The following ZC3H6 variants were observed in gnomAD, a reference collection of about 807,000 sequenced individuals.
The protein encoded by ZC3H6 is zinc finger CCCH-type containing 6.
ZC3H6 carries 40 observed loss-of-function variants against 107.7 expected under a neutral mutation model. That is an observed-to-expected ratio of 0.37 (90% CI 0.29 to 0.48). The LOEUF (loss-of-function observed/expected upper bound fraction) is 0.48, where lower values mean the gene tolerates loss of function less well. ZC3H6 is among the 20% of genes least tolerant of loss of function. The probability of loss-of-function intolerance (pLI) is 0.98; values close to 1 mark genes in which losing one functional copy is unlikely to be tolerated. For synonymous variants in ZC3H6, 493 were observed against 487.9 expected (o/e 1.01, Z -0.14); for missense variants, 1,267 against 1,410.4 (o/e 0.90, Z 1.63).
At chr2:112,279,272 C>T (rs1686484832) in intron 1 of ZC3H6, among the ~76,000 whole-genome samples, 1 of 152,144 alleles carries the variant, frequency 6.6e-6, no homozygotes. Context: ...GATGTTGACC[C>T]AATTAAAACA....
intron 5 of ZC3H6, among the ~76,000 whole-genome samples, chr2:112,314,060 A>G (rs567787695): frequency 6.6e-6 from 1 of 152,066 alleles, no homozygotes. Context: ...TACCTGATAT[A>G]TATTAATATT....
At chr2:112,316,620 CT>C (rs1172798541) in intron 6 of ZC3H6, 34 bp downstream of exon 6, 3 of 1,330,062 alleles carry the variant, frequency 2.3e-6, no homozygotes, top group Non-Finnish European at 3.1e-6. Context: ...GTCATTTTAA[CT>C]TCCAAAATAA....
chr2:112,311,718 A>G, intron 4 of ZC3H6, 86 bp from the exon 5 acceptor site: 3 of 1,252,180 alleles, frequency 2.4e-6, no homozygotes, highest in Admixed American at 5.0e-5. Flanking sequence ...ATTATAGACT[A>G]TTAAAATGTG....
At chr2:112,314,774 G>A (rs969458383) in intron 5 of ZC3H6, among the ~76,000 whole-genome samples, 1 of 152,070 alleles carries the variant, frequency 6.6e-6, no homozygotes, top group Non-Finnish European at 1.5e-5. Context: ...AAATGTTTGT[G>A]AATCAAATTT....
chr2:112,331,171 A>G lies in ZC3H6; in HGVS notation c.2253A>G (p.Lys751=). The G allele has an allele frequency of 6.2e-7, 1 of 1,613,740 alleles. No homozygotes were observed. The highest frequency in any genetic ancestry group is 8.5e-7 in the Non-Finnish European group (1 of 1,179,792). ...CAAGACTTGCTAAAGAGAAAAGTAA[A>G]GGAAACCAAGTGGTTGACCCTAGGC... is the stretch of plus-strand genomic sequence containing the variant. The part of the protein sequence containing the change: ...TDPRLAKEKS[K]GNQVVDPRLR... The change falls in exon 12 of 12, where the codon AAA becomes AAG. Residue 751 remains lysine, a synonymous_variant. Coordinates refer to ENST00000409871, the MANE Select transcript of ZC3H6 (RefSeq NM_198581.3).
intron 1 of ZC3H6, among the ~76,000 whole-genome samples, chr2:112,289,289 G>A (rs912196765): frequency 7.0e-5 from 10 of 143,380 alleles, no homozygotes; most frequent in Non-Finnish European, 1.1e-4. Flanking sequence ...TGAGCCACCC[G>A]TGCCAGGCCC....
At position 112,310,799 on chromosome 2, in the gene ZC3H6, G is replaced by T. The variant is rs75973105; in HGVS notation, c.613+638G>T. Among the ~76,000 whole-genome samples, 12 of 152,292 alleles carry T rather than the reference G, an allele frequency of 7.9e-5. No individual in the cohort carries two copies. In the East Asian group the frequency reaches 1.9e-3, roughly 25 times the overall value. On this transcript the variant is annotated intron_variant, in intron 4 of 11. Coordinates refer to ENST00000409871, the MANE Select transcript of ZC3H6 (RefSeq NM_198581.3). ...TGGAGCAATATGAGACTGAAATGAA[G>T]TAGTGAGGAGCCACACTCTGTATAA...
chr2:112,331,597 T>A lies in ZC3H6; in HGVS notation c.2679T>A (p.Asp893Glu), dbSNP rs1172074895. The A allele has an allele frequency of 1.2e-6, 2 of 1,613,868 alleles. No homozygotes were observed. Among genetic ancestry groups the A allele is most frequent in the Non-Finnish European group, 1.7e-6 (2 of 1,179,854 alleles). Residue 893 changes from aspartate to glutamate, a missense_variant, in exon 12 of 12, where the codon GAT (aspartate) becomes GAA (glutamate). Asp to Glu is a conservative substitution (Grantham distance 45, BLOSUM62 2). Around this residue, in one of 3 missense-constraint regions of ZC3H6, gnomAD observed 925 missense variants for 1,025.7 expected, o/e 0.90. Transcript: ENST00000409871. ...TTCCAGTACCTTTACCTAAACCTGA[T>A]CCAGTGTCTTCAATCAATTTACCTC... is the stretch of plus-strand genomic sequence containing the variant. ...DLLPVPLPKPDPVSSINLPLP... is the reference protein window; with the variant it reads ...DLLPVPLPKPEPVSSINLPLP...
At chr2:112,317,540 T>C (rs1024947968) in intron 7 of ZC3H6, among the ~76,000 whole-genome samples, 78 of 152,326 alleles carry the variant, frequency 5.1e-4, no homozygotes, top group African/African-American at 1.8e-3. Flanking sequence ...AACTGCCCTT[T>C]GGAAAAAATT....
Position 112,332,240 on chromosome 2 carries a change from G to A in ZC3H6, c.3322G>A (p.Glu1108Lys). 2 of 1,613,958 alleles carry A rather than the reference G, an allele frequency of 1.2e-6. No homozygotes were observed. Among genetic ancestry groups the A allele is most frequent in the Non-Finnish European group, 1.7e-6 (2 of 1,179,878 alleles). Residue 1108 changes from glutamate (E) to lysine (K), a missense_variant, in exon 12 of 12, where the codon GAG becomes AAG. Coordinates refer to ENST00000409871, the MANE Select transcript of ZC3H6 (RefSeq NM_198581.3). The part of the protein sequence containing the change: ...KPSPNVGVTL[E>K]GPADPQADVP... ...CAGTCCAAACGTGGGAGTCACTCTT[G>A]AGGGGCCAGCTGACCCACAGGCGGA...
rs1676877142 is a variant in ZC3H6, at chr2:112,324,823, G to A, written c.1853-141G>A. On this transcript the variant is annotated intron_variant, in intron 10 of 11. Coordinates refer to ENST00000409871, the MANE Select transcript of ZC3H6 (RefSeq NM_198581.3). ...AGTTTGCCAAACTTTTGAAACAATA[G>A]AATTTTAGATAACTTTTAGAAATAT... 5 of 1,129,834 alleles carry A rather than the reference G, an allele frequency of 4.4e-6. No individual in the cohort carries two copies. In the South Asian group the frequency reaches 8.6e-5, roughly 19 times the overall value. The allele number at this position is 1,129,834 out of a possible 1,614,324, so 70.0% of individuals were successfully genotyped here. A position where few individuals can be genotyped will look rare whatever the true frequency, so the allele number is the denominator to read the frequency against.
chr2:112,302,738 C>T (rs1474862488), intron 2 of ZC3H6, among the ~76,000 whole-genome samples: 1 of 151,946 alleles, frequency 6.6e-6, no homozygotes, highest in Non-Finnish European at 1.5e-5. Flanking sequence ...CACTTTTGTT[C>T]AATTTTGTGG....
At position 112,322,752 on chromosome 2, in the gene ZC3H6, G is replaced by T; in HGVS notation, c.1190G>T (p.Gly397Val). The part of the protein sequence containing the change: ...TPLPKPPPGV[G>V]LLPTPPEHFP... ...CTTCCCAAACCACCTCCAGGGGTTG[G>T]GCTTCTGCCAACCCCTCCAGAGCAT... is the stretch of plus-strand genomic sequence containing the variant. The change falls in exon 9 of 12, where the codon GGG becomes GTG. Residue 397 changes from glycine to valine, a missense_variant. By Grantham distance (109) the Gly-to-Val change is moderately radical (BLOSUM62 -3). Coordinates refer to ENST00000409871, the MANE Select transcript of ZC3H6 (RefSeq NM_198581.3). 6.2e-7 allele frequency: 1 copy of T among 1,613,846 alleles called. No homozygotes were observed. The highest frequency in any genetic ancestry group is 1.3e-5 in the African/African-American group (1 of 75,026).
chr2:112,324,213 C>T lies in ZC3H6; in HGVS notation c.1402C>T (p.His468Tyr), dbSNP rs371992996. ...ACCACAATTTCAGGGAAGCAGTCCA[C>T]ACCCTCAACATATCTATAGTTCTGG... ...PGPQFQGSSP[H>Y]PQHIYSSGSS... The change falls in exon 10 of 12, where the codon CAC becomes TAC. Residue 468 changes from histidine (H) to tyrosine (Y), a missense_variant. His to Tyr is a moderately conservative substitution (Grantham distance 83). Coordinates refer to ENST00000409871, the MANE Select transcript of ZC3H6 (RefSeq NM_198581.3). The T allele has an allele frequency of 1.2e-6, 2 of 1,605,678 alleles. No homozygotes were observed. Among genetic ancestry groups the T allele is most frequent in the Non-Finnish European group, 8.5e-7 (1 of 1,172,918 alleles).
Position 112,309,957 on chromosome 2 carries a change from TATG to T in ZC3H6, c.414_416del (p.Asp138del). On this transcript the variant is annotated inframe_deletion, in exon 4 of 12. Transcript: ENST00000409871. ...TAACAAAAAATTTAAAAGTAAAGAATATGATGAGTACAGCACCTACAGTGATGA... is the reference window on the plus strand; with the variant it reads ...TAACAAAAAATTTAAAAGTAAAGAATATGAGTACAGCACCTACAGTGATGA... 2 of 1,610,204 alleles carry T rather than the reference TATG, an allele frequency of 1.2e-6. No homozygotes were observed. Among genetic ancestry groups the T allele is most frequent in the Non-Finnish European group, 1.7e-6 (2 of 1,177,978 alleles).
intron 7 of ZC3H6, among the ~76,000 whole-genome samples, chr2:112,317,978 T>A (rs1676731842): frequency 6.6e-6 from 1 of 152,204 alleles, no homozygotes; most frequent in Admixed American, 6.5e-5. Flanking sequence ...TATATGGATT[T>A]TTCTTCTGGA....
In ZC3H6 at chr2:112,324,268, C is replaced by T. The variant is rs770704886; in HGVS notation, c.1457C>T (p.Ser486Phe). 3 of 1,613,962 alleles carry T rather than the reference C, an allele frequency of 1.9e-6. No individual in the cohort carries two copies. The highest frequency in any genetic ancestry group is 2.5e-6 in the Non-Finnish European group (3 of 1,179,824). The stretch of plus-strand genomic sequence containing the variant: ...AGTCCAGGTCCTGGACCTAACATGT[C>T]TCAGGGACACAGTAGTCCTGTGATG... ...GSSPGPGPNM[S>F]QGHSSPVMHP... Residue 486 changes from serine to phenylalanine, a missense_variant, in exon 10 of 12, where the codon TCT becomes TTT. Ser to Phe is a radical substitution (Grantham distance 155). This residue lies in a region of ZC3H6 where 925 missense variants were observed against 1,025.7 expected (regional missense o/e 0.90). Coordinates refer to ENST00000409871, the MANE Select transcript of ZC3H6 (RefSeq NM_198581.3).
chr2:112,303,185 T>G (rs771306566), intron 2 of ZC3H6, 44 bp from the exon 3 acceptor site: 1 of 1,578,334 alleles, frequency 6.3e-7, no homozygotes, highest in South Asian at 1.2e-5. Context: ...TTAAATTTTC[T>G]TCCTTTTGCA....
chr2:112,323,779 A>G (rs575017384), intron 9 of ZC3H6, among the ~76,000 whole-genome samples: 2 of 152,366 alleles, frequency 1.3e-5, no homozygotes, highest in South Asian at 2.1e-4. Flanking sequence ...GGATGTTTAT[A>G]TAGTAGATTC....
Sources: allele counts gnomAD v4.1 joint callset (sites outside exome capture counted in the v4.1 genomes callset), GRCh38; gene constraint gnomAD v4.1.1; regional missense constraint gnomAD v4.1.1; transcripts MANE v1.5; gene names NCBI Gene and HGNC (gene_info 2026-07-23, HGNC 2026-07-21).